The following MARCHF1 variants were observed in gnomAD, a reference collection of about 807,000 sequenced individuals.
MARCHF1 encodes E3 ubiquitin-protein ligase MARCHF1.
MARCHF1 carries 40 observed loss-of-function variants against 54.2 expected under a neutral mutation model. That is an observed-to-expected ratio of 0.74 (90% CI 0.57 to 0.96). MARCHF1 has a LOEUF of 0.96. Ranked by LOEUF, MARCHF1 falls within the 40% of genes least tolerant of loss-of-function variation. The pLI is 0.00. For synonymous variants in MARCHF1, 236 were observed against 236.3 expected (o/e 1.00, Z 0.01); for missense variants, 586 against 656.5 (o/e 0.89, Z 1.17).
intron 1 of MARCHF1, among the ~76,000 whole-genome samples, chr4:164,115,160 G>A (rs932186318): frequency 3.3e-5 from 5 of 151,884 alleles, no homozygotes; most frequent in Admixed American, 6.6e-5. Context: ...TATGTTCTCC[G>A]CATACAAAGG....
chr4:163,750,520 AT>A (rs1746491362), intron 4 of MARCHF1, among the ~76,000 whole-genome samples: 1 of 69,722 alleles, frequency 1.4e-5, no homozygotes, highest in Non-Finnish European at 4.3e-5. Context: ...CAAAAAATAA[AT>A]AAATAAATAA....
At chr4:164,044,696 T>C (rs1460948302) in intron 2 of MARCHF1, among the ~76,000 whole-genome samples, 1 of 152,172 alleles carries the variant, frequency 6.6e-6, no homozygotes, top group African/African-American at 2.4e-5. Context: ...CAAGTCATCC[T>C]ATCATGTCAC....
At chr4:164,157,933 C>T (rs777010222) in intron 1 of MARCHF1, among the ~76,000 whole-genome samples, 20 of 152,130 alleles carry the variant, frequency 1.3e-4, no homozygotes, top group Non-Finnish European at 2.6e-4. Flanking sequence ...ACAACAGCAA[C>T]TCCAATGGCA....
At chr4:164,244,353 G>A (rs1732873790) in intron 1 of MARCHF1, among the ~76,000 whole-genome samples, 1 of 152,152 alleles carries the variant, frequency 6.6e-6, no homozygotes, top group African/African-American at 2.4e-5. Flanking sequence ...GCTCCTGAAT[G>A]ACTACTGGGT....
chr4:163,722,541 T>C (rs1745508694), intron 4 of MARCHF1, among the ~76,000 whole-genome samples: 1 of 152,236 alleles, frequency 6.6e-6, no homozygotes, highest in South Asian at 2.1e-4. Context: ...AGATGTCTAT[T>C]AGGTCCACTT....
chr4:163,618,954 C>A (rs1741595814), intron 5 of MARCHF1, among the ~76,000 whole-genome samples: 1 of 151,958 alleles, frequency 6.6e-6, no homozygotes, highest in African/African-American at 2.4e-5. Flanking sequence ...AGACGCCTGT[C>A]CAACACAAGG....
chr4:163,535,635 G>A lies in MARCHF1; in HGVS notation c.1340-6589C>T, dbSNP rs11737049. Among the ~76,000 whole-genome samples the A allele has an allele frequency of 9.4e-3, 1,425 of 152,200 alleles. 13 individuals carry two copies. Among genetic ancestry groups the A allele is most frequent in the Non-Finnish European group, 0.016 (1,060 of 67,988 alleles). On this transcript the variant is annotated intron_variant, in intron 9 of 9. Transcript: ENST00000514618. Reference sequence around the variant, plus strand: ...AGCACACATTTATACATGGCTGGACGCCTGTGTCCATTTTTCCTGTATGCT... The same window carrying A: ...AGCACACATTTATACATGGCTGGACACCTGTGTCCATTTTTCCTGTATGCT...
intron 3 of MARCHF1, among the ~76,000 whole-genome samples, chr4:163,872,979 G>A (rs1750204832): frequency 6.6e-6 from 1 of 152,044 alleles, no homozygotes; most frequent in African/African-American, 2.4e-5. Context: ...TGGAGGCGGA[G>A]CTTGCAGTGA....
intron 1 of MARCHF1, among the ~76,000 whole-genome samples, chr4:164,248,271 T>C (rs1326008845): frequency 6.6e-6 from 1 of 152,050 alleles, no homozygotes; most frequent in Non-Finnish European, 1.5e-5. Flanking sequence ...TATTAATTTG[T>C]GACTTTGGGT....
At chr4:163,990,172 G>A (rs761757300) in intron 2 of MARCHF1, among the ~76,000 whole-genome samples, 14 of 152,240 alleles carry the variant, frequency 9.2e-5, no homozygotes, top group South Asian at 2.1e-4. Context: ...ACATTTCAAT[G>A]TATTTACAAC....
At chr4:164,349,404 T>A (rs575464280) in intron 1 of MARCHF1, among the ~76,000 whole-genome samples, 1 of 152,182 alleles carries the variant, frequency 6.6e-6, no homozygotes, top group Admixed American at 6.5e-5. Context: ...GAAACCATCA[T>A]CTACTCAACA....
At chr4:164,253,343 C>CT (rs549801933) in intron 1 of MARCHF1, among the ~76,000 whole-genome samples, 5 of 152,080 alleles carry the variant, frequency 3.3e-5, no homozygotes, top group Admixed American at 6.6e-5. Flanking sequence ...ACTACTCAAC[C>CT]TTTTTGAAGT....
chr4:163,584,920 T>C (rs1740358056), intron 8 of MARCHF1: 1 of 152,230 alleles, frequency 6.6e-6, no homozygotes, highest in South Asian at 2.1e-4. Flanking sequence ...GAGGCAGCCA[T>C]ATATGTAAGG....
At chr4:163,622,888 G>A (rs1325442374) in intron 5 of MARCHF1, among the ~76,000 whole-genome samples, 1 of 152,114 alleles carries the variant, frequency 6.6e-6, no homozygotes, top group Admixed American at 6.6e-5. Flanking sequence ...AGGTCAAATA[G>A]CAAAGATGCA....
intron 8 of MARCHF1, among the ~76,000 whole-genome samples, chr4:163,570,102 C>T (rs1220234554): frequency 6.6e-6 from 1 of 152,066 alleles, no homozygotes; most frequent in East Asian, 1.9e-4. Context: ...GCCAGCATAA[C>T]CCTTATCTGG....
At chr4:164,330,189 A>C (rs147414875) in intron 1 of MARCHF1, 2 of 148,058 alleles carry the variant, frequency 1.4e-5, no homozygotes, top group South Asian at 2.1e-4. Flanking sequence ...AAAAAAAAAA[A>C]CAAAAACAAA....
chr4:164,012,091 C>G (rs562506363), intron 2 of MARCHF1, among the ~76,000 whole-genome samples: 1 of 152,290 alleles, frequency 6.6e-6, no homozygotes, highest in African/African-American at 2.4e-5. Flanking sequence ...AGCTTCACCA[C>G]TAGCTGACGA....
intron 3 of MARCHF1, among the ~76,000 whole-genome samples, chr4:163,888,388 A>G (rs1330418728): frequency 1.3e-5 from 2 of 152,154 alleles, no homozygotes; most frequent in Non-Finnish European, 2.9e-5. Flanking sequence ...CAGCCCTTAT[A>G]GAATTCTGGT....
chr4:164,333,403 C>T (rs779715052), intron 1 of MARCHF1, among the ~76,000 whole-genome samples: 1 of 152,266 alleles, frequency 6.6e-6, no homozygotes, highest in South Asian at 2.1e-4. Context: ...CATGTACTCA[C>T]TTTGTATCTC....
Sources: gnomAD v4.1 joint callset for allele counts (sites outside exome capture counted in the v4.1 genomes callset) on GRCh38, gnomAD v4.1.1 for gene constraint, MANE v1.5 for transcripts, NCBI Gene and HGNC (gene_info 2026-07-23, HGNC 2026-07-21) for gene names.